FAM117B: variants seen among roughly 807,000 people sequenced by gnomAD.
FAM117B encodes the protein protein FAM117B.
FAM117B carries 22 observed loss-of-function variants against 52.8 expected under a neutral mutation model. The observed-to-expected ratio is 0.42, with a 90% CI of 0.30 to 0.59. The LOEUF (loss-of-function observed/expected upper bound fraction) is 0.59, where lower values mean the gene tolerates loss of function less well. FAM117B is among the 20% of genes least tolerant of loss of function. The probability of loss-of-function intolerance (pLI) is 0.22; values close to 1 mark genes in which losing one functional copy is unlikely to be tolerated. For missense variants in FAM117B, 678 were observed against 802.6 expected (o/e 0.84, Z 1.88); for synonymous variants, 309 against 324.1 (o/e 0.95, Z 0.50).
rs1219743876 is a variant in FAM117B at position 202,644,053 on chromosome 2, G to GTTTTTTTTTTTTTTTTTTTTT, written c.601+8275_601+8276insTTTTTTTTTTTTTTTTTTTTT. On this transcript the variant is annotated intron_variant, in intron 1 of 7. Coordinates refer to ENST00000392238, the MANE Select transcript of FAM117B (RefSeq NM_173511.4). Reference sequence around the variant, plus strand: ...ATGCTATACTACTGCTTTAGGAGCTGTTTTTTTTTTGTTTTTTTTTTTTTT... The same window carrying GTTTTTTTTTTTTTTTTTTTTT: ...ATGCTATACTACTGCTTTAGGAGCTGTTTTTTTTTTTTTTTTTTTTTTTTTTTTTTTGTTTTTTTTTTTTTT... Among the ~76,000 whole-genome samples the GTTTTTTTTTTTTTTTTTTTTT allele has an allele frequency of 1.2e-4, 7 of 60,162 alleles. 1 individual carries two copies. Among genetic ancestry groups the GTTTTTTTTTTTTTTTTTTTTT allele is most frequent in the Admixed American group, 1.8e-4 (1 of 5,412 alleles). The allele number at this position is 60,162 out of a possible 152,430, so 39.5% of individuals were successfully genotyped here.
At chr2:202,638,037 T>A (rs900947243) in intron 1 of FAM117B, among the ~76,000 whole-genome samples, 1 of 151,994 alleles carries the variant, frequency 6.6e-6, no homozygotes, top group Admixed American at 6.6e-5. Flanking sequence ...CTACCACGCC[T>A]GGCTAATTTT....
chr2:202,635,850 G>C, intron 1 of FAM117B, 62 bp downstream of exon 1: 1 of 1,340,776 alleles, frequency 7.5e-7, no homozygotes, highest in Non-Finnish European at 9.6e-7. Context: ...CCGGGCGCGC[G>C]CTGCAATCGC....
intron 2 of FAM117B, among the ~76,000 whole-genome samples, chr2:202,714,740 T>G (rs898559722): frequency 2.6e-5 from 4 of 152,218 alleles, no homozygotes; most frequent in African/African-American, 7.2e-5. Flanking sequence ...ACTCTTTAAC[T>G]AGCATGCTGC....
intron 1 of FAM117B, among the ~76,000 whole-genome samples, chr2:202,687,714 T>C (rs1329668615): frequency 6.6e-6 from 1 of 152,210 alleles, no homozygotes; most frequent in Non-Finnish European, 1.5e-5. Flanking sequence ...CCCAGCCTGG[T>C]ACATTGTTTT....
chr2:202,753,814 C>T (rs1427568955), intron 4 of FAM117B, among the ~76,000 whole-genome samples: 1 of 149,370 alleles, frequency 6.7e-6, no homozygotes, highest in Non-Finnish European at 1.5e-5. Context: ...CAAATGAAAA[C>T]CACAATGTGA....
intron 2 of FAM117B, among the ~76,000 whole-genome samples, chr2:202,714,822 CAT>C (rs1249752063): frequency 1.3e-5 from 2 of 151,842 alleles, no homozygotes; most frequent in Non-Finnish European, 1.5e-5. Context: ...GGACACAGCA[CAT>C]GTTTCAGAGA....
At chr2:202,639,328 G>A (rs1304138235) in intron 1 of FAM117B, among the ~76,000 whole-genome samples, 2 of 152,154 alleles carry the variant, frequency 1.3e-5, no homozygotes, top group African/African-American at 4.8e-5. Context: ...GAGCTAATTG[G>A]CTGGTGTAGA....
Position 202,765,391 on chromosome 2 carries a change from T to A in FAM117B, c.1452-55T>A, listed in dbSNP as rs193294419. ...GCTTGTTTCCAAGCTTTTTTTTTTT[T>A]TTATTTTTTAAGTTCAGTGACTTAA... On this transcript the variant is annotated intron_variant, in intron 7 of 7. Transcript: ENST00000392238. The A allele has an allele frequency of 4.8e-4, 706 of 1,466,574 alleles. 5 individuals are homozygous for A. The highest frequency in any genetic ancestry group is 1.1e-3 in the East Asian group (48 of 43,392). 90.8% of individuals were successfully genotyped at this position (1,466,574 alleles called of 1,614,324 possible). A position where few individuals can be genotyped will look rare whatever the true frequency, so the allele number is the denominator to read the frequency against.
intron 4 of FAM117B, among the ~76,000 whole-genome samples, chr2:202,746,703 G>A (rs1172022014): frequency 6.6e-6 from 1 of 151,982 alleles, no homozygotes; most frequent in Non-Finnish European, 1.5e-5. Context: ...GGAAATAGTA[G>A]AAAACCTGAA....
intron 2 of FAM117B, among the ~76,000 whole-genome samples, chr2:202,699,453 A>G (rs1690765646): frequency 6.7e-6 from 1 of 148,760 alleles, no homozygotes; most frequent in South Asian, 2.1e-4. Flanking sequence ...AAAAAAGAAA[A>G]AAAAAAAAAA....
At chr2:202,735,714 CA>C (rs976732600) in intron 4 of FAM117B, among the ~76,000 whole-genome samples, 15 of 152,166 alleles carry the variant, frequency 9.9e-5, no homozygotes, top group Non-Finnish European at 1.6e-4. Flanking sequence ...TGGGAGATGC[CA>C]GCATCTTCAC....
At position 202,740,169 on chromosome 2, in the gene FAM117B, TCC is replaced by T. The variant is rs1553523190; in HGVS notation, c.960+13810_960+13811del. ...GCCTGGAGGACAGAGCGAGACTTCA[TCC>T]CCCAAAAAAAAAAAAAAAAAAAAAA... On this transcript the variant is annotated intron_variant, in intron 4 of 7. Transcript: ENST00000392238. Among the ~76,000 whole-genome samples the T allele has an allele frequency of 2.4e-3, 18 of 7,406 alleles. 1 individual carries two copies. The highest frequency in any genetic ancestry group is 5.4e-3 in the Admixed American group (3 of 560). 4.9% of individuals were successfully genotyped at this position (7,406 alleles called of 152,430 possible). A position where few individuals can be genotyped will look rare whatever the true frequency, so the allele number is the denominator to read the frequency against.
intron 1 of FAM117B, among the ~76,000 whole-genome samples, chr2:202,691,686 TGTGTGTGTGTGTGC>T (rs1372129170): frequency 6.7e-5 from 10 of 149,942 alleles, no homozygotes; most frequent in African/African-American, 2.5e-4. Context: ...TGTGTGTGTG[TGTGTGTGTGTGTGC>T]GCGCGCGCCT....
At chr2:202,650,796 ACT>A (rs1458674620) in intron 1 of FAM117B, among the ~76,000 whole-genome samples, 1 of 151,884 alleles carries the variant, frequency 6.6e-6, no homozygotes, top group Non-Finnish European at 1.5e-5. Flanking sequence ...AGGCCGGAAG[ACT>A]CAGCAAGTCC....
chr2:202,642,799 A>G (rs1689791150), intron 1 of FAM117B, among the ~76,000 whole-genome samples: 2 of 152,218 alleles, frequency 1.3e-5, no homozygotes, highest in Admixed American at 1.3e-4. Flanking sequence ...ACTAATCACT[A>G]GGGTGGATAA....
At chr2:202,752,374 T>A (rs1466714142) in intron 4 of FAM117B, among the ~76,000 whole-genome samples, 1 of 152,018 alleles carries the variant, frequency 6.6e-6, no homozygotes, top group Non-Finnish European at 1.5e-5. Context: ...CACAGATTTC[T>A]TGTGTTTGCC....
At chr2:202,746,618 A>G (rs888136942) in intron 4 of FAM117B, among the ~76,000 whole-genome samples, 10 of 152,132 alleles carry the variant, frequency 6.6e-5, no homozygotes, top group South Asian at 4.1e-4. Context: ...GTGAACAACT[A>G]TACACTAACA....
chr2:202,640,336 A>ATATATATG (rs1689752652), intron 1 of FAM117B, among the ~76,000 whole-genome samples: 2 of 107,684 alleles, frequency 1.9e-5, no homozygotes, highest in African/African-American at 3.5e-5. Context: ...ATATATATAT[A>ATATATATG]TATATATGGC....
At position 202,635,065 on chromosome 2, in the gene FAM117B, C is replaced by T; in HGVS notation, c.-123C>T. On this transcript the variant is annotated 5_prime_UTR_variant, in exon 1 of 8. Coordinates refer to ENST00000392238, the MANE Select transcript of FAM117B (RefSeq NM_173511.4). ...CCCCGGCCCGGTCTCCCCCTGCACC[C>T]CGGAGTCCGGCTTCGTCACCCCGTC... The T allele has an allele frequency of 1.6e-6, 2 of 1,225,524 alleles. No individual in the cohort carries two copies. The highest frequency in any genetic ancestry group is 2.1e-6 in the Non-Finnish European group (2 of 974,274). The allele number at this position is 1,225,524 out of a possible 1,614,324, so 75.9% of individuals were successfully genotyped here. A position where few individuals can be genotyped will look rare whatever the true frequency, so the allele number is the denominator to read the frequency against.
Sources: allele counts gnomAD v4.1 joint callset (sites outside exome capture counted in the v4.1 genomes callset), GRCh38; gene constraint gnomAD v4.1.1; transcripts MANE v1.5; gene names NCBI Gene and HGNC (gene_info 2026-07-23, HGNC 2026-07-21).